ZNF398: variants seen among roughly 807,000 people sequenced by gnomAD.
ZNF398 encodes the protein zinc finger protein 398.
In ZNF398, 18 loss-of-function variants were observed where a neutral mutation model predicts 41.9. The observed-to-expected ratio is 0.43, with a 90% CI of 0.30 to 0.64. The LOEUF (loss-of-function observed/expected upper bound fraction) is 0.64, where lower values mean the gene tolerates loss of function less well. Ranked by LOEUF, ZNF398 falls within the 30% of genes least tolerant of loss-of-function variation. ZNF398 has a pLI of 0.14. For missense variants in ZNF398, 669 were observed against 822.8 expected, an observed-to-expected ratio of 0.81 and a Z score of 2.29; for synonymous variants, 260 against 308.8, an observed-to-expected ratio of 0.84 and a Z score of 1.66.
intron 1 of ZNF398, among the ~76,000 whole-genome samples, chr7:149,128,070 CTG>C (rs1009961027): frequency 6.6e-6 from 1 of 152,158 alleles, no homozygotes; most frequent in African/African-American, 2.4e-5. Context: ...AAGAGTCAAA[CTG>C]TAAAATATTT....
At position 149,182,027 on chromosome 7, in the gene ZNF398, C is replaced by T. The variant is rs759265579; in HGVS notation, c.*2226C>T. ...GCCAGGGTATGCTGGAGGAGGGACT[C>T]CTAAAGTAGGTGAGATGTGGGACTA... On this transcript the variant is annotated 3_prime_UTR_variant, in exon 6 of 6. Transcript: ENST00000475153. The T allele has an allele frequency of 3.3e-5, 5 of 152,142 alleles. No individual in the cohort carries two copies. The highest frequency in any genetic ancestry group is 7.4e-5 in the Non-Finnish European group (5 of 68,026). The allele number at this position is 152,142 out of a possible 1,614,324, so 9.4% of individuals were successfully genotyped here. A position where few individuals can be genotyped will look rare whatever the true frequency, so the allele number is the denominator to read the frequency against.
chr7:149,126,575 G>C, exon 1 of ZNF398: 1 of 404,534 alleles, frequency 2.5e-6, no homozygotes, highest in Non-Finnish European at 4.4e-6. Context: ...TGAACATGGA[G>C]AGAGCAGGAA....
At chr7:149,137,970 C>T (rs187348181) in intron 2 of ZNF398, among the ~76,000 whole-genome samples, 45 of 150,144 alleles carry the variant, frequency 3.0e-4, no homozygotes, top group African/African-American at 9.0e-4. Flanking sequence ...AAGGCCGAGG[C>T]GGGCGGATCA....
intron 4 of ZNF398, among the ~76,000 whole-genome samples, chr7:149,170,181 C>T (rs565866930): frequency 1.1e-3 from 175 of 152,306 alleles, no homozygotes; most frequent in African/African-American, 4.0e-3. Flanking sequence ...CAATCATGCG[C>T]TGCTGAACAA....
At chr7:149,126,415 GT>G (rs1826477790) in exon 1 of ZNF398, 1 of 1,056,876 alleles carries the variant, frequency 9.5e-7, no homozygotes, top group African/African-American at 1.7e-5. Flanking sequence ...GCCAGAGGGA[GT>G]CGGTCCTCAG....
At chr7:149,159,238 G>A (rs2129520719) in intron 2 of ZNF398, among the ~76,000 whole-genome samples, 1 of 151,948 alleles carries the variant, frequency 6.6e-6, no homozygotes, top group East Asian at 1.9e-4. Context: ...CACCGCGCCT[G>A]GCCATCTCTT....
At position 149,179,428 on chromosome 7, in the gene ZNF398, G is replaced by A; in HGVS notation, c.1556G>A (p.Ser519Asn). The A allele has an allele frequency of 1.2e-6, 2 of 1,614,032 alleles. No individual in the cohort carries two copies. Among genetic ancestry groups the A allele is most frequent in the Non-Finnish European group, 1.7e-6 (2 of 1,180,052 alleles). ...TACCCCTGCACTGACTGCAGTAAGA[G>A]CTTCATGCGCAAGGAGCACCTGCTG... ...RPYPCTDCSK[S>N]FMRKEHLLNH... is the part of the protein sequence containing the mutation. The change falls in exon 6 of 6, where the codon AGC becomes AAC. Residue 519 changes from serine (S) to asparagine (N), a missense_variant. Around this residue, in one of 3 missense-constraint regions of ZNF398, gnomAD observed 210 missense variants for 290.4 expected, o/e 0.72. Transcript: ENST00000475153. This position sits in a 1 kb window ranked among gnomAD's most constrained non-coding sequence, Gnocchi z 6.1.
At position 149,147,584 on chromosome 7, in the gene ZNF398, C is replaced by T; in HGVS notation, c.-159C>T. The T allele has an allele frequency of 1.2e-6, 1 of 811,934 alleles. No homozygotes were observed. The highest frequency in any genetic ancestry group is 6.2e-5 in the South Asian group (1 of 16,256). 50.3% of individuals were successfully genotyped at this position (811,934 alleles called of 1,614,324 possible). A position where few individuals can be genotyped will look rare whatever the true frequency, so the allele number is the denominator to read the frequency against. ...CGCCGCGTTCCTGCGCGTCCCGAGCCCCGACGGCCGCGTGAGTCCCGTCCG... is the reference window on the plus strand; with the variant it reads ...CGCCGCGTTCCTGCGCGTCCCGAGCTCCGACGGCCGCGTGAGTCCCGTCCG... On this transcript the variant is annotated 5_prime_UTR_variant, in exon 1 of 6. Transcript: ENST00000475153. The surrounding 1 kb of genome is among the most constrained non-coding windows in gnomAD (Gnocchi z 5.6).
intron 1 of ZNF398, among the ~76,000 whole-genome samples, chr7:149,150,424 C>T (rs1011838377): frequency 2.6e-5 from 4 of 152,046 alleles, no homozygotes; most frequent in Non-Finnish European, 5.9e-5. Flanking sequence ...TATGGTGAAA[C>T]CCTGTCTCTA....
intron 2 of ZNF398, among the ~76,000 whole-genome samples, chr7:149,131,787 C>T (rs115823266): frequency 7.6e-4 from 115 of 152,306 alleles, no homozygotes; most frequent in African/African-American, 2.5e-3. Flanking sequence ...ATATATTTTA[C>T]TTAGCATTTC....
rs1256868343 is a variant in ZNF398 at position 149,178,840 on chromosome 7, A to T, written c.968A>T (p.Gln323Leu). Residue 323 changes from glutamine (Q) to leucine (L), a missense_variant, in exon 6 of 6, where the codon CAA becomes CTA. This residue lies in a region of ZNF398 where 290 missense variants were observed against 292.9 expected (regional missense o/e 0.99). Transcript: ENST00000475153. ...ATDLPEASEG[Q>L]VTFTQLGSYP... ...GACCTGCCTGAAGCCTCTGAGGGAC[A>T]AGTGACTTTTACTCAGTTGGGTAGC... 1.9e-6 allele frequency: 3 copies of T among 1,614,050 alleles called. No individual in the cohort carries two copies. In the African/African-American group the frequency reaches 4.0e-5, roughly 22 times the overall value.
chr7:149,152,383 C>T (rs1281812265), intron 1 of ZNF398, among the ~76,000 whole-genome samples: 1 of 150,914 alleles, frequency 6.6e-6, no homozygotes, highest in African/African-American at 2.4e-5. Flanking sequence ...GCCTCAGCCT[C>T]CGAAGTAGCT....
In ZNF398 at chr7:149,181,530, C is replaced by T. The variant is rs1795590357; in HGVS notation, c.*1729C>T. 6.6e-6 allele frequency: 1 copy of T among 152,078 alleles called. No homozygotes were observed. Among genetic ancestry groups the T allele is most frequent in the Non-Finnish European group, 1.5e-5 (1 of 67,998 alleles). 9.4% of individuals were successfully genotyped at this position (152,078 alleles called of 1,614,324 possible). On this transcript the variant is annotated 3_prime_UTR_variant, in exon 6 of 6. Transcript: ENST00000475153. ...TTTTTTGCTCATCACCTAGCCCATC[C>T]TTCACTCTCTCTAGTTATGCATAAC...
chr7:149,144,490 A>G (rs1468759141), upstream of ZNF398, among the ~76,000 whole-genome samples: 2 of 151,982 alleles, frequency 1.3e-5, no homozygotes, highest in African/African-American at 4.8e-5. Context: ...GTATTTTTTT[A>G]TGGAGACAGG....
intron 2 of ZNF398, among the ~76,000 whole-genome samples, chr7:149,164,894 G>A (rs893406601): frequency 1.3e-5 from 2 of 152,134 alleles, no homozygotes; most frequent in African/African-American, 4.8e-5. Flanking sequence ...AGGAACTCGA[G>A]ACCAGCCTGA....
In ZNF398 at chr7:149,154,307, G is replaced by A. The variant is rs1355231169; in HGVS notation, c.387G>A (p.Arg129=). The A allele has an allele frequency of 6.2e-7, 1 of 1,613,856 alleles. No homozygotes were observed. Among genetic ancestry groups the A allele is most frequent in the South Asian group, 1.1e-5 (1 of 91,068 alleles). The change falls in exon 2 of 6, where the codon CGG becomes CGA. Residue 129 remains arginine, a synonymous_variant. Transcript: ENST00000475153. ...GCAACAGGAACTTCTGGATCCTGCG[G>A]CTCCCTCCAGGTATTAAGGGAGATA... ...LLRNRNFWIL[R]LPPGIKGDIP...
In ZNF398 at chr7:149,153,954, T is replaced by G; in HGVS notation, c.34T>G (p.Trp12Gly). Reference protein sequence around the residue: ...AEAAPAPTSEWDSECLTSLQP... With the variant: ...AEAAPAPTSEGDSECLTSLQP... The stretch of plus-strand genomic sequence containing the variant: ...TTTCCACTGCATGCAGACATCTGAA[T>G]GGGACTCCGAGTGCCTTACATCCCT... Residue 12 changes from tryptophan to glycine, a missense_variant, in exon 2 of 6, where the codon TGG becomes GGG. Trp to Gly is a radical substitution (Grantham distance 184). Transcript: ENST00000475153. 6.2e-7 allele frequency: 1 copy of G among 1,610,208 alleles called. No individual in the cohort carries two copies. The highest frequency in any genetic ancestry group is 8.5e-7 in the Non-Finnish European group (1 of 1,178,204).
At chr7:149,153,788 A>G (rs113484544) in intron 1 of ZNF398, among the ~76,000 whole-genome samples, 157 bp from the exon 2 acceptor site, 3,494 of 152,320 alleles carry the variant, frequency 0.023, 53 homozygotes, top group Admixed American at 0.035. Flanking sequence ...TGTTGATGCC[A>G]GTGAGCTCCA....
At chr7:149,140,663 C>T (rs1478665038) in intron 2 of ZNF398, among the ~76,000 whole-genome samples, 2 of 152,014 alleles carry the variant, frequency 1.3e-5, no homozygotes, top group Non-Finnish European at 1.5e-5. Context: ...GGATTACAGG[C>T]GTGAGCCACC....
Sources: gnomAD v4.1 joint callset for allele counts (sites outside exome capture counted in the v4.1 genomes callset) on GRCh38, gnomAD v4.1.1 for gene constraint, gnomAD v4.1.1 regional missense constraint, Gnocchi (gnomAD v3.1) non-coding constraint, MANE v1.5 for transcripts, NCBI Gene and HGNC (gene_info 2026-07-23, HGNC 2026-07-21) for gene names.